EYS: variants seen among roughly 807,000 people sequenced by gnomAD.
EYS encodes the protein EGF-like photoreceptor maintenance factor.
In EYS, 250 loss-of-function variants were observed where a neutral mutation model predicts 282.1. The observed-to-expected ratio is 0.89, with a 90% CI of 0.80 to 0.98. The LOEUF is 0.98. Ranked by LOEUF, EYS falls within the 50% of genes least tolerant of loss-of-function variation. The pLI is 0.00. For synonymous variants in EYS, 1,355 were observed against 1,282.9 expected (o/e 1.06, Z -1.20); for missense variants, 4,016 against 3,709.0 (o/e 1.08, Z -2.15).
chr6:64,583,342 G>C (rs902098994), intron 26 of EYS, among the ~76,000 whole-genome samples: 2 of 151,962 alleles, frequency 1.3e-5, no homozygotes, highest in African/African-American at 4.8e-5. Context: ...TTCAAAATAC[G>C]TAGAAAAGAA....
At chr6:64,148,203 A>G (rs1774584519) in intron 31 of EYS, among the ~76,000 whole-genome samples, 3 of 152,104 alleles carry the variant, frequency 2.0e-5, no homozygotes, top group Non-Finnish European at 4.4e-5. Flanking sequence ...ATTTCATCTC[A>G]TTTTCTATAT....
At chr6:64,851,184 T>C (rs1380319907) in intron 19 of EYS, among the ~76,000 whole-genome samples, 1 of 152,062 alleles carries the variant, frequency 6.6e-6, no homozygotes, top group East Asian at 1.9e-4. Context: ...GAGAACCTGA[T>C]TCAGAAGTCA....
intron 26 of EYS, among the ~76,000 whole-genome samples, chr6:64,581,550 T>C (rs115658828): frequency 0.011 from 1,748 of 152,310 alleles, 18 homozygotes; most frequent in Non-Finnish European, 0.02. Context: ...CTACCATTTA[T>C]CTTTATGTTG....
intron 22 of EYS, among the ~76,000 whole-genome samples, chr6:64,665,549 A>T (rs1432511455): frequency 6.6e-6 from 1 of 152,178 alleles, no homozygotes; most frequent in African/African-American, 2.4e-5. Flanking sequence ...TCGTTATGCT[A>T]AAAGTGCATT....
intron 2 of EYS, among the ~76,000 whole-genome samples, chr6:65,581,431 A>T (rs965669355): frequency 1.3e-5 from 2 of 152,038 alleles, no homozygotes; most frequent in East Asian, 3.8e-4. Context: ...TATATCTTTC[A>T]TCTATAATGG....
intron 29 of EYS, among the ~76,000 whole-genome samples, chr6:64,380,077 C>A (rs141516729): frequency 6.6e-6 from 1 of 150,508 alleles, no homozygotes; most frequent in African/African-American, 2.4e-5. Context: ...TATAGATTTT[C>A]CCCCATGTAG....
Position 64,626,122 on chromosome 6 carries a change from T to C in EYS, c.3567A>G (p.Pro1189=). The C allele has an allele frequency of 6.6e-7, 1 of 1,525,336 alleles. No homozygotes were observed. Among genetic ancestry groups the C allele is most frequent in the Non-Finnish European group, 8.9e-7 (1 of 1,128,598 alleles). The allele number at this position is 1,525,336 out of a possible 1,614,324, so 94.5% of individuals were successfully genotyped here. The change falls in exon 23 of 43, where the codon CCA becomes CCG. Residue 1189 remains proline (P), a splice_region_variant and synonymous_variant. Transcript: ENST00000503581. ...HINGYVCKCQ[P]GWSGHHCENE... ...GCTTATTATTTTTAAAATAATTACC[T>C]GGTTGGCATTTGCAAACATATCCAT...
chr6:65,699,888 G>C (rs1012462021), intron 1 of EYS, among the ~76,000 whole-genome samples: 1 of 151,838 alleles, frequency 6.6e-6, no homozygotes, highest in Non-Finnish European at 1.5e-5. Context: ...GCCGAGGCGG[G>C]CGAATCATGA....
intron 15 of EYS, among the ~76,000 whole-genome samples, chr6:64,940,806 C>T (rs1409507773): frequency 6.6e-6 from 1 of 152,012 alleles, no homozygotes; most frequent in East Asian, 1.9e-4. Flanking sequence ...CCTTATAACC[C>T]ACTTTAATCA....
At chr6:65,133,887 T>A (rs1775951168) in intron 12 of EYS, among the ~76,000 whole-genome samples, 1 of 151,650 alleles carries the variant, frequency 6.6e-6, no homozygotes, top group Non-Finnish European at 1.5e-5. Context: ...AGGTCTAATA[T>A]CTAGCATCTA....
intron 5 of EYS, among the ~76,000 whole-genome samples, chr6:65,424,449 T>C (rs1392805717): frequency 6.6e-6 from 1 of 151,992 alleles, no homozygotes; most frequent in Non-Finnish European, 1.5e-5. Flanking sequence ...TTCCTTTCTC[T>C]CTTCCTTTCA....
chr6:65,158,613 T>G (rs2150219980), intron 12 of EYS, among the ~76,000 whole-genome samples: 1 of 150,974 alleles, frequency 6.6e-6, no homozygotes, highest in East Asian at 2.0e-4. Flanking sequence ...TTGTCTTAGT[T>G]TAGTTCAAAT....
intron 36 of EYS, among the ~76,000 whole-genome samples, chr6:63,810,276 A>G (rs1228222668): frequency 6.7e-6 from 1 of 149,858 alleles, no homozygotes; most frequent in Admixed American, 6.7e-5. Context: ...AAAAAAAAAA[A>G]CAAAAAACCA....
intron 1 of EYS, among the ~76,000 whole-genome samples, chr6:65,640,577 A>G (rs1165498906): frequency 6.6e-6 from 1 of 152,190 alleles, no homozygotes; most frequent in East Asian, 1.9e-4. Flanking sequence ...GGCATATAGA[A>G]TTCAAGGTTG....
intron 12 of EYS, among the ~76,000 whole-genome samples, chr6:65,201,688 A>C (rs191404357): frequency 7.9e-5 from 12 of 152,294 alleles, no homozygotes; most frequent in East Asian, 1.9e-4. Context: ...GATAAAGTTT[A>C]TCTCTCTTAT....
At chr6:64,148,081 TATC>T (rs1774579633) in intron 31 of EYS, among the ~76,000 whole-genome samples, 1 of 152,166 alleles carries the variant, frequency 6.6e-6, no homozygotes, top group African/African-American at 2.4e-5. Context: ...TTTTTTTGTT[TATC>T]ATATTTTTGG....
At chr6:64,868,102 T>A (rs1766481094) in intron 19 of EYS, among the ~76,000 whole-genome samples, 1 of 151,448 alleles carries the variant, frequency 6.6e-6, no homozygotes, top group Non-Finnish European at 1.5e-5. Context: ...CTTTATTAAT[T>A]CATTTACATA....
At chr6:64,464,611 A>T (rs1471323053) in intron 26 of EYS, among the ~76,000 whole-genome samples, 1 of 152,106 alleles carries the variant, frequency 6.6e-6, no homozygotes, top group Non-Finnish European at 1.5e-5. Context: ...ATACTAAATC[A>T]ACAAAAATTG....
intron 35 of EYS, among the ~76,000 whole-genome samples, chr6:63,925,183 C>T (rs1764680260): frequency 6.6e-6 from 1 of 152,144 alleles, no homozygotes; most frequent in South Asian, 2.1e-4. Context: ...CATTAAAATG[C>T]CCTAGTAAGG....
Sources: gnomAD v4.1 joint callset for allele counts (sites outside exome capture counted in the v4.1 genomes callset) on GRCh38, gnomAD v4.1.1 for gene constraint, MANE v1.5 for transcripts, NCBI Gene and HGNC (gene_info 2026-07-23, HGNC 2026-07-21) for gene names.